ANGPT1: variants seen among roughly 807,000 people sequenced by gnomAD.
The protein encoded by ANGPT1 is angiopoietin-1.
A neutral mutation model predicts 62.2 loss-of-function variants in ANGPT1; 17 were observed. The ratio of observed to expected loss-of-function variants is 0.27; its 90% CI spans 0.19 to 0.41. ANGPT1 has a LOEUF of 0.41. Ranked by LOEUF, ANGPT1 falls within the 10% of genes least tolerant of loss-of-function variation. The probability of loss-of-function intolerance (pLI) is 1.00; values close to 1 mark genes in which losing one functional copy is unlikely to be tolerated. For synonymous variants in ANGPT1, 199 were observed against 198.9 expected, an observed-to-expected ratio of 1.00 and a Z score of 0.00; for missense variants, 478 against 594.9, an observed-to-expected ratio of 0.80 and a Z score of 2.04.
intron 1 of ANGPT1, among the ~76,000 whole-genome samples, chr8:107,390,793 A>T (rs1214005245): frequency 3.9e-5 from 6 of 152,180 alleles, no homozygotes; most frequent in Non-Finnish European, 7.3e-5. Context: ...AGAGAGAGGA[A>T]CTGAGTCACA....
chr8:107,414,656 G>A (rs1810690227), intron 1 of ANGPT1, among the ~76,000 whole-genome samples: 1 of 152,104 alleles, frequency 6.6e-6, no homozygotes, highest in African/African-American at 2.4e-5. Flanking sequence ...ATCCAAACCA[G>A]GCAACTTGTT....
At chr8:107,326,204 A>T (rs1365157853) in intron 3 of ANGPT1, among the ~76,000 whole-genome samples, 1 of 152,118 alleles carries the variant, frequency 6.6e-6, no homozygotes, top group Non-Finnish European at 1.5e-5. Flanking sequence ...GCTACTCTAC[A>T]GCACAGACAT....
chr8:107,436,976 C>A (rs1811351680), intron 1 of ANGPT1, among the ~76,000 whole-genome samples: 2 of 152,240 alleles, frequency 1.3e-5, no homozygotes, highest in East Asian at 1.9e-4. Flanking sequence ...TGAACACAAA[C>A]ATGTCAGCTA....
intron 1 of ANGPT1, among the ~76,000 whole-genome samples, chr8:107,360,667 T>C (rs16892432): frequency 0.026 from 3,975 of 152,262 alleles, 133 homozygotes; most frequent in African/African-American, 0.075. Flanking sequence ...TTTTAGCTAT[T>C]AAGGTCAGTT....
chr8:107,353,132 A>G (rs1397740797), intron 1 of ANGPT1, among the ~76,000 whole-genome samples: 1 of 152,204 alleles, frequency 6.6e-6, no homozygotes, highest in East Asian at 1.9e-4. Flanking sequence ...TATACATGCC[A>G]TGGATCCCAT....
chr8:107,359,051 A>G (rs1161892902), intron 1 of ANGPT1, among the ~76,000 whole-genome samples: 3 of 152,094 alleles, frequency 2.0e-5, no homozygotes, highest in Non-Finnish European at 2.9e-5. Context: ...ATGTTACCTT[A>G]TTGCATGATT....
chr8:107,300,833 A>G (rs1814569242), intron 5 of ANGPT1, among the ~76,000 whole-genome samples: 2 of 152,004 alleles, frequency 1.3e-5, no homozygotes, highest in South Asian at 4.1e-4. Flanking sequence ...ATTTTGTAGA[A>G]GCGTAAGCTT....
At chr8:107,464,235 A>G (rs1465635623) in intron 1 of ANGPT1, among the ~76,000 whole-genome samples, 1 of 152,160 alleles carries the variant, frequency 6.6e-6, no homozygotes, top group Non-Finnish European at 1.5e-5. Flanking sequence ...CACATATAGT[A>G]TTTGAAATGG....
chr8:107,260,239 G>A (rs1813461024), intron 8 of ANGPT1, among the ~76,000 whole-genome samples: 1 of 152,044 alleles, frequency 6.6e-6, no homozygotes, highest in Non-Finnish European at 1.5e-5. Context: ...AGATTCTCCA[G>A]CTAGAATTCC....
At chr8:107,338,921 C>T (rs1488293572) in intron 2 of ANGPT1, among the ~76,000 whole-genome samples, 1 of 152,170 alleles carries the variant, frequency 6.6e-6, no homozygotes, top group Non-Finnish European at 1.5e-5. Context: ...TCAGTATTTG[C>T]TTATGAGGTA....
At chr8:107,439,212 A>C (rs2130426318) in intron 1 of ANGPT1, among the ~76,000 whole-genome samples, 1 of 152,332 alleles carries the variant, frequency 6.6e-6, no homozygotes, top group African/African-American at 2.4e-5. Flanking sequence ...GAAACCAGTA[A>C]ATACAGATTC....
chr8:107,429,648 GAAAAA>G (rs34291237), intron 1 of ANGPT1, among the ~76,000 whole-genome samples: 1 of 119,118 alleles, frequency 8.4e-6, no homozygotes, highest in Non-Finnish European at 1.7e-5. Flanking sequence ...GCTCCAGGAG[GAAAAA>G]AAAAAAAAAA....
intron 1 of ANGPT1, among the ~76,000 whole-genome samples, chr8:107,389,936 A>T (rs889906161): frequency 2.0e-5 from 2 of 102,310 alleles, no homozygotes; most frequent in East Asian, 3.3e-4. Context: ...GTTTCTTCCT[A>T]AAAAAAAAAA....
At chr8:107,432,680 A>AG (rs1811224481) in intron 1 of ANGPT1, among the ~76,000 whole-genome samples, 1 of 150,836 alleles carries the variant, frequency 6.6e-6, no homozygotes, top group Non-Finnish European at 1.5e-5. Flanking sequence ...AAAAAAAAAA[A>AG]GTCCTCAATG....
At chr8:107,315,249 GAGA>G (rs1274215014) in intron 4 of ANGPT1, among the ~76,000 whole-genome samples, 1 of 152,110 alleles carries the variant, frequency 6.6e-6, no homozygotes, top group Admixed American at 6.6e-5. Context: ...TGAACTTCAT[GAGA>G]AGCTCCTATG....
At chr8:107,388,215 T>G (rs1816769121) in intron 1 of ANGPT1, among the ~76,000 whole-genome samples, 1 of 152,052 alleles carries the variant, frequency 6.6e-6, no homozygotes. Flanking sequence ...ACAGTATATC[T>G]GAGACCGGGC....
chr8:107,418,704 G>T (rs1162619394), intron 1 of ANGPT1, among the ~76,000 whole-genome samples: 2 of 152,152 alleles, frequency 1.3e-5, no homozygotes, highest in Admixed American at 1.3e-4. Context: ...GAGTAAAAGG[G>T]TGATAAAAAT....
chr8:107,303,124 A>AG, intron 5 of ANGPT1, 116 bp downstream of exon 5: 2 of 1,222,224 alleles, frequency 1.6e-6, no homozygotes, highest in Non-Finnish European at 1.2e-6. Context: ...GGGAGAAAAA[A>AG]GTTCAGGCAT....
In ANGPT1 at chr8:107,457,690, T is replaced by G. The variant is rs1026281779; in HGVS notation, c.297+39572A>C. On this transcript the variant is annotated intron_variant, in intron 1 of 8. Coordinates refer to ENST00000517746, the MANE Select transcript of ANGPT1 (RefSeq NM_001146.5). The stretch of plus-strand genomic sequence containing the variant: ...ATCTCATAGTCTTTGTCAACTCAAA[T>G]TATTAATATTTGGATAAGGCTCTTT... Among the ~76,000 whole-genome samples, 2 of 152,094 alleles carry G rather than the reference T, an allele frequency of 1.3e-5. 1 individual carries two copies. Among genetic ancestry groups the G allele is most frequent in the South Asian group, 4.2e-4 (2 of 4,818 alleles).
Sources: allele counts gnomAD v4.1 joint callset (sites outside exome capture counted in the v4.1 genomes callset), GRCh38; gene constraint gnomAD v4.1.1; transcripts MANE v1.5; gene names NCBI Gene and HGNC (gene_info 2026-07-23, HGNC 2026-07-21).